Variants in NPTX1 observed in about 807,000 individuals in gnomAD.
NPTX1 encodes neuronal pentraxin-1.
A neutral mutation model predicts 38.7 loss-of-function variants in NPTX1; 12 were observed. The ratio of observed to expected loss-of-function variants is 0.31; its 90% CI spans 0.20 to 0.50. NPTX1 has a LOEUF of 0.50. Among genes scored for constraint, NPTX1 ranks in the 20% least tolerant of loss-of-function variants. The probability of loss-of-function intolerance (pLI) is 0.98; values close to 1 mark genes in which losing one functional copy is unlikely to be tolerated. For missense variants in NPTX1, 454 were observed against 592.2 expected (o/e 0.77, Z 2.42); for synonymous variants, 272 against 264.9 (o/e 1.03, Z -0.26).
chr17:80,471,417 TCTTCC>T (rs1293838443), intron 4 of NPTX1, among the ~76,000 whole-genome samples: 2 of 152,186 alleles, frequency 1.3e-5, no homozygotes, highest in Admixed American at 1.3e-4. Flanking sequence ...CATCCCTTCG[TCTTCC>T]TCCCAGGTGC....
intron 3 of NPTX1, among the ~76,000 whole-genome samples, 170 bp from the exon 4 acceptor site, chr17:80,472,081 G>A (rs1368202564): frequency 3.3e-5 from 5 of 152,228 alleles, no homozygotes; most frequent in Admixed American, 2.0e-4. Flanking sequence ...TGTCAGCCCC[G>A]CCTGGGCGTG....
Position 80,475,789 on chromosome 17 carries a change from G to A in NPTX1, c.445-71C>T. Reference sequence around the variant, plus strand: ...CGGGGACCGTGCTGGAAGGCCCGCGGCGCGGTCCCCTCTGGGCGACTGCGG... The same window carrying A: ...CGGGGACCGTGCTGGAAGGCCCGCGACGCGGTCCCCTCTGGGCGACTGCGG... On this transcript the variant is annotated intron_variant, in intron 1 of 4. Transcript: ENST00000306773. The surrounding 1 kb of genome is among the most constrained non-coding windows in gnomAD (Gnocchi z 6.5). 1.6e-6 allele frequency: 2 copies of A among 1,276,608 alleles called. No homozygotes were observed. Among genetic ancestry groups the A allele is most frequent in the Non-Finnish European group, 2.2e-6 (2 of 904,708 alleles). 79.1% of individuals were successfully genotyped at this position (1,276,608 alleles called of 1,614,324 possible).
At chr17:80,472,966 A>G (rs537654799) in intron 3 of NPTX1, among the ~76,000 whole-genome samples, 1 of 152,022 alleles carries the variant, frequency 6.6e-6, no homozygotes, top group East Asian at 1.9e-4. Context: ...TCCCGTACCC[A>G]CCCCAGGAGG....
chr17:80,472,361 A>G (rs942089634), intron 3 of NPTX1, among the ~76,000 whole-genome samples: 1 of 152,166 alleles, frequency 6.6e-6, no homozygotes, highest in Non-Finnish European at 1.5e-5. Flanking sequence ...TCACTCTACA[A>G]CACGGCAAGC....
In NPTX1 at chr17:80,469,573, G is replaced by A. The variant is rs1257791215; in HGVS notation, c.*1240C>T. 1.3e-5 allele frequency: 2 copies of A among 152,346 alleles called. No individual in the cohort carries two copies. Among genetic ancestry groups the A allele is most frequent in the Non-Finnish European group, 2.9e-5 (2 of 68,104 alleles). The allele number at this position is 152,346 out of a possible 1,614,324, so 9.4% of individuals were successfully genotyped here. A position where few individuals can be genotyped will look rare whatever the true frequency, so the allele number is the denominator to read the frequency against. ...CTGCTGTAGGCCGTGAGCCCCATGA[G>A]ATGGAGGAGTGGGTTTCAGGCCCCT... On this transcript the variant is annotated 3_prime_UTR_variant, in exon 5 of 5. Transcript: ENST00000306773.
At position 80,475,089 on chromosome 17, in the gene NPTX1, G is replaced by T. The variant is rs992407939; in HGVS notation, c.652+422C>A. ...CCTCAGCGGCCCGGGGAACGAGAGC[G>T]CCCAGCCCCAGCCTGCACCCAGCTG... On this transcript the variant is annotated intron_variant, in intron 2 of 4. Transcript: ENST00000306773. This position sits in a 1 kb window ranked among gnomAD's most constrained non-coding sequence, Gnocchi z 6.5. 2.0e-5 allele frequency among the ~76,000 whole-genome samples: 3 copies of T among 152,214 alleles called. No homozygotes were observed. Among genetic ancestry groups the T allele is most frequent in the Admixed American group, 2.0e-4 (3 of 15,278 alleles).
At position 80,476,557 on chromosome 17, in the gene NPTX1, C is replaced by T; in HGVS notation, c.-111G>A. ...CGAGCGGCCCGCGCTCTGGGCGCCG[C>T]GCTCTTCGGCCGCGCGGTCCACACC... On this transcript the variant is annotated 5_prime_UTR_variant, in exon 1 of 5. Transcript: ENST00000306773. The surrounding 1 kb of genome is among the most constrained non-coding windows in gnomAD (Gnocchi z 6.3). 2.1e-6 allele frequency: 1 copy of T among 467,322 alleles called. No homozygotes were observed. The highest frequency in any genetic ancestry group is 2.8e-6 in the Non-Finnish European group (1 of 354,532). The allele number at this position is 467,322 out of a possible 1,614,324, so 28.9% of individuals were successfully genotyped here. A position where few individuals can be genotyped will look rare whatever the true frequency, so the allele number is the denominator to read the frequency against.
In NPTX1 at chr17:80,476,418, C is replaced by G. The variant is rs2083883286; in HGVS notation, c.29G>C (p.Cys10Ser). 7.3e-7 allele frequency: 1 copy of G among 1,374,108 alleles called. No individual in the cohort carries two copies. The highest frequency in any genetic ancestry group is 1.7e-5 in the South Asian group (1 of 59,402). The allele number at this position is 1,374,108 out of a possible 1,614,324, so 85.1% of individuals were successfully genotyped here. Residue 10 changes from cysteine to serine, a missense_variant, in exon 1 of 5, where the codon TGT (cysteine) becomes TCT (serine). Around this residue, in one of 4 missense-constraint regions of NPTX1, gnomAD observed 288 missense variants for 318.4 expected, o/e 0.90. Coordinates refer to ENST00000306773, the MANE Select transcript of NPTX1 (RefSeq NM_002522.4). This position sits in a 1 kb window ranked among gnomAD's most constrained non-coding sequence, Gnocchi z 6.3. MPAGRAART[C>S]ALLALCLLGA... ...CAGGAGGCAGAGGGCGAGCAGCGCA[C>G]AGGTGCGCGCGGCGCGGCCGGCCGG...
At position 80,473,394 on chromosome 17, in the gene NPTX1, G is replaced by A; in HGVS notation, c.703C>T (p.Arg235Trp). 1.9e-6 allele frequency: 3 copies of A among 1,613,934 alleles called. No individual in the cohort carries two copies. Among genetic ancestry groups the A allele is most frequent in the Non-Finnish European group, 2.5e-6 (3 of 1,179,866 alleles). Residue 235 changes from arginine to tryptophan, a missense_variant, in exon 3 of 5, where the codon CGG becomes TGG. Transcript: ENST00000306773. ...GDKFQLTFPL[R>W]TNYMYAKVKK... ...ACCTTGGCATACATATAGTTGGTCC[G>A]CAGTGGGAATGTGAGCTGGAACTTG... is the stretch of plus-strand genomic sequence containing the variant.
rs139479408 is a variant in NPTX1 at position 80,475,584 on chromosome 17, G to C, written c.579C>G (p.Asn193Lys). 1 of 1,612,858 alleles carries C rather than the reference G, an allele frequency of 6.2e-7. No homozygotes were observed. Residue 193 changes from asparagine (N) to lysine (K), a missense_variant, in exon 2 of 5, where the codon AAC becomes AAG. Coordinates refer to ENST00000306773, the MANE Select transcript of NPTX1 (RefSeq NM_002522.4). This position sits in a 1 kb window ranked among gnomAD's most constrained non-coding sequence, Gnocchi z 6.5. The part of the protein sequence containing the change: ...TLEEGKGGPR[N>K]DTEERVKIET... ...CGATCTTGACCCTCTCCTCGGTGTC[G>C]TTCCTGGGGCCCCCCTTGCCCTCCT...
At chr17:80,473,009 C>T (rs2083850931) in intron 3 of NPTX1, among the ~76,000 whole-genome samples, 191 bp downstream of exon 3, 1 of 152,238 alleles carries the variant, frequency 6.6e-6, no homozygotes. Flanking sequence ...CCTGCTCTCC[C>T]AGTACAGGTG....
In NPTX1 at chr17:80,475,796, C is replaced by T; in HGVS notation, c.445-78G>A. 8.4e-7 allele frequency: 1 copy of T among 1,185,102 alleles called. No homozygotes were observed. Among genetic ancestry groups the T allele is most frequent in the Admixed American group, 2.1e-5 (1 of 47,524 alleles). 73.4% of individuals were successfully genotyped at this position (1,185,102 alleles called of 1,614,324 possible). A position where few individuals can be genotyped will look rare whatever the true frequency, so the allele number is the denominator to read the frequency against. On this transcript the variant is annotated intron_variant, in intron 1 of 4. Transcript: ENST00000306773. The surrounding 1 kb of genome is among the most constrained non-coding windows in gnomAD (Gnocchi z 6.5). ...CGTGCTGGAAGGCCCGCGGCGCGGT[C>T]CCCTCTGGGCGACTGCGGGGGCGGC...
chr17:80,476,388 G>A lies in NPTX1; in HGVS notation c.59C>T (p.Ala20Val). ...CALLALCLLGAGAQDFGPTRF... is the reference protein window; with the variant it reads ...CALLALCLLGVGAQDFGPTRF... Reference sequence around the variant, plus strand: ...CGTCGGCCCGAAATCCTGGGCCCCGGCGCCCAGGAGGCAGAGGGCGAGCAG... The same window carrying A: ...CGTCGGCCCGAAATCCTGGGCCCCGACGCCCAGGAGGCAGAGGGCGAGCAG... Residue 20 changes from alanine to valine, a missense_variant, in exon 1 of 5, where the codon GCC becomes GTC. This residue lies in a region of NPTX1 where 288 missense variants were observed against 318.4 expected (regional missense o/e 0.90). Coordinates refer to ENST00000306773, the MANE Select transcript of NPTX1 (RefSeq NM_002522.4). This position sits in a 1 kb window ranked among gnomAD's most constrained non-coding sequence, Gnocchi z 6.3. 6.6e-7 allele frequency: 1 copy of A among 1,515,716 alleles called. No homozygotes were observed. The highest frequency in any genetic ancestry group is 8.8e-7 in the Non-Finnish European group (1 of 1,139,290). The allele number at this position is 1,515,716 out of a possible 1,614,324, so 93.9% of individuals were successfully genotyped here.
chr17:80,476,273 C>A lies in NPTX1; in HGVS notation c.174G>T (p.Val58=). Residue 58 remains valine (V), a synonymous_variant, in exon 1 of 5, where the codon GTG becomes GTT. Coordinates refer to ENST00000306773, the MANE Select transcript of NPTX1 (RefSeq NM_002522.4). The surrounding 1 kb of genome is among the most constrained non-coding windows in gnomAD (Gnocchi z 6.3). ...GCAGCACCGTCTCGCGGAGCTGCAG[C>A]ACGCTGCTCCGGAGCTCCTCGGCGC... is the stretch of plus-strand genomic sequence containing the variant. The part of the protein sequence containing the change: ...AGGAEELRSS[V]LQLRETVLQQ... 2.6e-6 allele frequency: 4 copies of A among 1,555,648 alleles called. No individual in the cohort carries two copies. The highest frequency in any genetic ancestry group is 3.4e-6 in the Non-Finnish European group (4 of 1,159,610).
Position 80,476,088 on chromosome 17 carries a change from T to A in NPTX1, c.359A>T (p.Asp120Val). 1 of 1,605,680 alleles carries A rather than the reference T, an allele frequency of 6.2e-7. No individual in the cohort carries two copies. Among genetic ancestry groups the A allele is most frequent in the Non-Finnish European group, 8.5e-7 (1 of 1,177,894 alleles). The change falls in exon 1 of 5, where the codon GAC becomes GTC. Residue 120 changes from aspartate (D) to valine (V), a missense_variant. By Grantham distance (152) the Asp-to-Val change is radical (BLOSUM62 -3). Transcript: ENST00000306773. The surrounding 1 kb of genome is among the most constrained non-coding windows in gnomAD (Gnocchi z 6.3). ...QPGSGKNTMG[D>V]LSRTPAAETL... ...CTCGGCGGCCGGTGTCCGGGACAGG[T>A]CGCCCATGGTGTTCTTGCCCGAGCC...
chr17:80,475,256 G>T lies in NPTX1; in HGVS notation c.652+255C>A, dbSNP rs879774418. ...AGCGAGTGTGTGAGTGTGTCTGGAT[G>T]GGGGAGGGGGCACTATGCAATCCCC... is the stretch of plus-strand genomic sequence containing the variant. On this transcript the variant is annotated intron_variant, in intron 2 of 4. Transcript: ENST00000306773. The surrounding 1 kb of genome is among the most constrained non-coding windows in gnomAD (Gnocchi z 6.5). 6.6e-6 allele frequency among the ~76,000 whole-genome samples: 1 copy of T among 152,168 alleles called. No individual in the cohort carries two copies. The highest frequency in any genetic ancestry group is 1.5e-5 in the Non-Finnish European group (1 of 68,022).
At position 80,467,680 on chromosome 17, in the gene NPTX1, G is replaced by T. The variant is rs1317783261; in HGVS notation, c.*3133C>A. On this transcript the variant is annotated 3_prime_UTR_variant, in exon 5 of 5. Transcript: ENST00000306773. The stretch of plus-strand genomic sequence containing the variant: ...AAAATAAACTGGGAATCTACAAAAG[G>T]AAAAGAAAGCATACAAAATGTATCT... 1 of 152,310 alleles carries T rather than the reference G, an allele frequency of 6.6e-6. No individual in the cohort carries two copies. The highest frequency in any genetic ancestry group is 1.5e-5 in the Non-Finnish European group (1 of 68,016). The allele number at this position is 152,310 out of a possible 1,614,324, so 9.4% of individuals were successfully genotyped here.
At chr17:80,471,276 C>G (rs1211313822) in intron 4 of NPTX1, among the ~76,000 whole-genome samples, 1 of 152,192 alleles carries the variant, frequency 6.6e-6, no homozygotes, top group Non-Finnish European at 1.5e-5. Flanking sequence ...CTGGGGGGAC[C>G]TGGACTCTGC....
chr17:80,473,540 C>T, intron 2 of NPTX1, 96 bp from the exon 3 acceptor site: 2 of 1,282,378 alleles, frequency 1.6e-6, no homozygotes, highest in Non-Finnish European at 2.2e-6. Context: ...GATGCGTGGC[C>T]AGGGCAGGCT....
Sources: gnomAD v4.1 joint callset for allele counts (sites outside exome capture counted in the v4.1 genomes callset) on GRCh38, gnomAD v4.1.1 for gene constraint, gnomAD v4.1.1 regional missense constraint, Gnocchi (gnomAD v3.1) non-coding constraint, MANE v1.5 for transcripts, NCBI Gene and HGNC (gene_info 2026-07-23, HGNC 2026-07-21) for gene names.